KRAS: variants seen among roughly 807,000 people sequenced by gnomAD.
KRAS encodes GTPase KRas.
Under a neutral mutation model 21.0 loss-of-function variants are expected in KRAS, and 1 was observed. That is an observed-to-expected ratio of 0.05 (90% CI 0.02 to 0.23). The LOEUF (loss-of-function observed/expected upper bound fraction) is 0.23. Ranked by LOEUF, KRAS falls within the 10% of genes least tolerant of loss-of-function variation. KRAS has a pLI of 1.00. For synonymous variants in KRAS, 67 were observed against 72.5 expected, an observed-to-expected ratio of 0.92 and a Z score of 0.39; for missense variants, 107 against 221.8, an observed-to-expected ratio of 0.48 and a Z score of 3.29.
At chr12:25,220,228 G>A (rs1951303968) in intron 4 of KRAS, among the ~76,000 whole-genome samples, 1 of 152,148 alleles carries the variant, frequency 6.6e-6, no homozygotes. Flanking sequence ...CAACAACCCA[G>A]ATAAATGTGA....
chr12:25,231,426 CTACT>C (rs749954192), intron 2 of KRAS, among the ~76,000 whole-genome samples: 1 of 152,070 alleles, frequency 6.6e-6, no homozygotes, highest in Non-Finnish European at 1.5e-5. Context: ...CTGAGTATCC[CTACT>C]CTGAAAAACC....
At chr12:25,232,458 A>G (rs1402497130) in intron 2 of KRAS, among the ~76,000 whole-genome samples, 3 of 152,116 alleles carry the variant, frequency 2.0e-5, no homozygotes, top group Non-Finnish European at 4.4e-5. Context: ...ATTTTTTTAA[A>G]TTTACCACTC....
At chr12:25,215,422 T>C (rs754455426) in intron 4 of KRAS, 1 of 1,613,200 alleles carries the variant, frequency 6.2e-7, no homozygotes, top group Non-Finnish European at 8.5e-7. Flanking sequence ...ATTAATGTGC[T>C]GAACTTAAAC....
intron 2 of KRAS, among the ~76,000 whole-genome samples, chr12:25,229,128 A>G (rs1951433015): frequency 6.6e-6 from 1 of 152,044 alleles, no homozygotes; most frequent in Admixed American, 6.5e-5. Flanking sequence ...ATTTTACCAC[A>G]AAAAAAAATT....
chr12:25,248,289 C>A (rs1477541408), intron 1 of KRAS, among the ~76,000 whole-genome samples: 3 of 152,146 alleles, frequency 2.0e-5, no homozygotes, highest in Non-Finnish European at 2.9e-5. Flanking sequence ...GGTGAAATCC[C>A]GTATCTAAAA....
intron 1 of KRAS, among the ~76,000 whole-genome samples, chr12:25,246,291 C>G (rs1178617909): frequency 6.6e-6 from 1 of 152,214 alleles, no homozygotes; most frequent in Non-Finnish European, 1.5e-5. Flanking sequence ...GGTGCGGCGG[C>G]TCATGCCTGT....
At chr12:25,232,051 GAA>G (rs1316716689) in intron 2 of KRAS, among the ~76,000 whole-genome samples, 1 of 152,104 alleles carries the variant, frequency 6.6e-6, no homozygotes, top group Non-Finnish European at 1.5e-5. Context: ...CCAGGTATAT[GAA>G]AAGTCAGCCC....
Position 25,212,415 on chromosome 12 carries a change from C to T in KRAS, c.451-2504G>A, listed in dbSNP as rs141412413. On this transcript the variant is annotated intron_variant, in intron 4 of 4. Transcript: ENST00000311936. ...ATGTTGCAATGAACTCTCCTCTCTA[C>T]ATCATCTTGTTAAAATTAAGTAATT... Among the ~76,000 whole-genome samples the T allele has an allele frequency of 4.9e-3, 751 of 152,252 alleles. 9 individuals carry two copies. Among genetic ancestry groups the T allele is most frequent in the African/African-American group, 0.017 (703 of 41,540 alleles).
At chr12:25,224,292 C>T (rs1276616001) in intron 4 of KRAS, among the ~76,000 whole-genome samples, 7 of 151,446 alleles carry the variant, frequency 4.6e-5, no homozygotes, top group African/African-American at 1.7e-4. Flanking sequence ...GACAGCTCCA[C>T]GTGTGTTACT....
intron 2 of KRAS, among the ~76,000 whole-genome samples, chr12:25,235,840 T>C (rs527258441): frequency 9.9e-5 from 15 of 152,206 alleles, no homozygotes; most frequent in African/African-American, 2.9e-4. Flanking sequence ...AAGGACCGAG[T>C]TGGGGGTGAT....
At chr12:25,226,398 A>G (rs1440743556) in intron 3 of KRAS, among the ~76,000 whole-genome samples, 1 of 152,166 alleles carries the variant, frequency 6.6e-6, no homozygotes, top group Non-Finnish European at 1.5e-5. Context: ...AGCAGAGCAG[A>G]CAACAGAGTC....
At chr12:25,232,944 G>C (rs746568763) in intron 2 of KRAS, among the ~76,000 whole-genome samples, 1 of 151,840 alleles carries the variant, frequency 6.6e-6, no homozygotes, top group Non-Finnish European at 1.5e-5. Context: ...TGTTACTATG[G>C]GAAATTATGC....
chr12:25,222,555 G>A (rs1951340322), intron 4 of KRAS, among the ~76,000 whole-genome samples: 1 of 152,136 alleles, frequency 6.6e-6, no homozygotes, highest in Admixed American at 6.5e-5. Context: ...AAGGTTGAGT[G>A]CTCTGTTAAG....
intron 4 of KRAS, chr12:25,215,312 TTTC>T (rs1269849141): frequency 6.2e-5 from 87 of 1,399,100 alleles, no homozygotes; most frequent in East Asian, 3.5e-4. Flanking sequence ...TGGAAACAAG[TTTC>T]TTATCTTTTA....
intron 4 of KRAS, among the ~76,000 whole-genome samples, chr12:25,217,993 T>C (rs1022525454): frequency 1.3e-5 from 2 of 152,154 alleles, no homozygotes; most frequent in Non-Finnish European, 2.9e-5. Flanking sequence ...AAATTATGTA[T>C]CCAAAATTTT....
Position 25,250,916 on chromosome 12 carries a change from C to T in KRAS, c.-177G>A. ...GCCGCCGCTGCTGCCTCCGCCGCCGCGGCCGCCGCCTAGGAAAATCGAGCT... is the reference window on the plus strand; with the variant it reads ...GCCGCCGCTGCTGCCTCCGCCGCCGTGGCCGCCGCCTAGGAAAATCGAGCT... On this transcript the variant is annotated 5_prime_UTR_variant, in exon 1 of 5. Coordinates refer to ENST00000311936, the MANE Select transcript of KRAS (RefSeq NM_004985.5). 4.0e-6 allele frequency: 1 copy of T among 250,684 alleles called. No homozygotes were observed. The highest frequency in any genetic ancestry group is 7.5e-6 in the Non-Finnish European group (1 of 132,952). The allele number at this position is 250,684 out of a possible 1,614,324, so 15.5% of individuals were successfully genotyped here.
intron 1 of KRAS, 123 bp from the exon 2 acceptor site, chr12:25,245,518 C>A: frequency 1.0e-6 from 1 of 996,088 alleles, no homozygotes; most frequent in African/African-American, 1.6e-5. Context: ...AAAATTATTT[C>A]AAAATACCTT....
Position 25,208,049 on chromosome 12 carries a change from C to A in KRAS, c.*1746G>T, listed in dbSNP as rs1951158548. The A allele has an allele frequency of 4.3e-6, 1 of 233,240 alleles. No homozygotes were observed. Among genetic ancestry groups the A allele is most frequent in the Non-Finnish European group, 8.5e-6 (1 of 117,988 alleles). The allele number at this position is 233,240 out of a possible 1,614,324, so 14.4% of individuals were successfully genotyped here. ...TCAAATATAAACTTCACCTCTTGCACAATTTTGCCCAAGACTGGCACTGAA... is the reference window on the plus strand; with the variant it reads ...TCAAATATAAACTTCACCTCTTGCAAAATTTTGCCCAAGACTGGCACTGAA... On this transcript the variant is annotated 3_prime_UTR_variant, in exon 5 of 5. Transcript: ENST00000311936.
chr12:25,233,820 T>C (rs1951508990), intron 2 of KRAS: 1 of 200,420 alleles, frequency 5.0e-6, no homozygotes, highest in African/African-American at 2.3e-5. Flanking sequence ...ATGAATCCAT[T>C]TGATGTAAAT....
Sources: allele counts gnomAD v4.1 joint callset (sites outside exome capture counted in the v4.1 genomes callset), GRCh38; gene constraint gnomAD v4.1.1; transcripts MANE v1.5; gene names NCBI Gene and HGNC (gene_info 2026-07-23, HGNC 2026-07-21).